The following MTUS2 variants were observed in gnomAD, a reference collection of about 807,000 sequenced individuals.
MTUS2 encodes microtubule associated scaffold protein 2, also known as microtubule-associated tumor suppressor candidate 2.
In MTUS2, 40 loss-of-function variants were observed where a neutral mutation model predicts 114.1. The observed-to-expected ratio is 0.35, with a 90% confidence interval of 0.27 to 0.46. The LOEUF is 0.46. MTUS2 is among the 20% of genes least tolerant of loss of function. The pLI is 1.00. For synonymous variants in MTUS2, 688 were observed against 672.0 expected (o/e 1.02, Z -0.37); for missense variants, 1,679 against 1,705.4 (o/e 0.98, Z 0.27).
intron 4 of MTUS2, among the ~76,000 whole-genome samples, chr13:29,051,594 A>G (rs1042075176): frequency 1.3e-5 from 2 of 152,220 alleles, no homozygotes; most frequent in Non-Finnish European, 2.9e-5. Context: ...CTCAGCAGCA[A>G]CAGCTAGTAT....
intron 2 of MTUS2, among the ~76,000 whole-genome samples, chr13:29,024,009 A>G (rs1019918865): frequency 2.6e-5 from 4 of 152,364 alleles, no homozygotes; most frequent in South Asian, 2.1e-4. Flanking sequence ...TTAAGCATCT[A>G]TGAATATCTT....
chr13:29,127,275 TTC>T (rs1156882678), intron 5 of MTUS2, among the ~76,000 whole-genome samples: 1 of 152,212 alleles, frequency 6.6e-6, no homozygotes, highest in African/African-American at 2.4e-5. Flanking sequence ...TTGGTCAGTT[TTC>T]TGTGTCAACA....
intron 4 of MTUS2, among the ~76,000 whole-genome samples, chr13:29,075,902 C>T (rs1889172207): frequency 6.6e-6 from 1 of 152,104 alleles, no homozygotes; most frequent in South Asian, 2.1e-4. Flanking sequence ...TTACATTTAG[C>T]AATTGGTTTA....
intron 5 of MTUS2, among the ~76,000 whole-genome samples, chr13:29,237,786 A>G (rs546069295): frequency 5.3e-5 from 8 of 152,330 alleles, no homozygotes; most frequent in South Asian, 2.1e-4. Context: ...AAGACATACA[A>G]ACGGCCAACA....
intron 8 of MTUS2, among the ~76,000 whole-genome samples, chr13:29,422,073 T>C (rs1466309984): frequency 6.6e-6 from 1 of 152,202 alleles, no homozygotes; most frequent in Non-Finnish European, 1.5e-5. Context: ...GGCAATTCCA[T>C]TTATATGTCT....
At chr13:29,438,485 G>A (rs532128067) in intron 8 of MTUS2, among the ~76,000 whole-genome samples, 5 of 152,272 alleles carry the variant, frequency 3.3e-5, no homozygotes, top group East Asian at 1.9e-4. Context: ...CCACTTTCCC[G>A]TAAACATTAG....
intron 8 of MTUS2, among the ~76,000 whole-genome samples, chr13:29,387,599 G>A (rs921278241): frequency 2.6e-5 from 4 of 152,154 alleles, no homozygotes; most frequent in Non-Finnish European, 4.4e-5. Flanking sequence ...AGGGAGACCC[G>A]CGAGGGGCTG....
At chr13:29,280,953 C>T (rs557167787) in intron 5 of MTUS2, among the ~76,000 whole-genome samples, 1 of 152,330 alleles carries the variant, frequency 6.6e-6, no homozygotes, top group Non-Finnish European at 1.5e-5. Context: ...TTGACACAAA[C>T]ACAATCCCAG....
chr13:29,119,933 A>G (rs78174963), intron 5 of MTUS2, among the ~76,000 whole-genome samples: 3,276 of 152,328 alleles, frequency 0.022, 130 homozygotes, highest in African/African-American at 0.074. Flanking sequence ...GAACCTTTAC[A>G]AATCAGTAAA....
chr13:28,872,131 C>T (rs1213875897), intron 2 of MTUS2, among the ~76,000 whole-genome samples: 2 of 152,120 alleles, frequency 1.3e-5, no homozygotes, highest in Non-Finnish European at 2.9e-5. Flanking sequence ...CTGTAAGGAG[C>T]CCAGCTGGGA....
chr13:28,881,203 A>G (rs1235462450), intron 2 of MTUS2, among the ~76,000 whole-genome samples: 1 of 152,134 alleles, frequency 6.6e-6, no homozygotes, highest in Non-Finnish European at 1.5e-5. Flanking sequence ...TTTAGTTCCC[A>G]CTTGTAAGTG....
intron 8 of MTUS2, among the ~76,000 whole-genome samples, chr13:29,376,553 A>G (rs1871761616): frequency 1.3e-5 from 2 of 151,946 alleles, no homozygotes; most frequent in South Asian, 2.1e-4. Context: ...CTGAGTTCAA[A>G]CATATCAATA....
intron 2 of MTUS2, among the ~76,000 whole-genome samples, chr13:28,858,626 AG>A (rs1431281046): frequency 1.3e-5 from 2 of 152,148 alleles, no homozygotes; most frequent in Non-Finnish European, 2.9e-5. Context: ...GCACTTAGAG[AG>A]GGGACATATA....
chr13:29,326,426 C>T (rs1900517889), intron 7 of MTUS2, among the ~76,000 whole-genome samples: 1 of 151,978 alleles, frequency 6.6e-6, no homozygotes, highest in Non-Finnish European at 1.5e-5. Context: ...TAATTTTAGA[C>T]TTAACCATGT....
At chr13:29,247,141 G>C (rs1896956185) in intron 5 of MTUS2, among the ~76,000 whole-genome samples, 1 of 152,130 alleles carries the variant, frequency 6.6e-6, no homozygotes, top group Admixed American at 6.5e-5. Flanking sequence ...CTTTGGCAAA[G>C]CAAACAAAAA....
chr13:29,190,872 A>G (rs1312391176), intron 5 of MTUS2, among the ~76,000 whole-genome samples: 4 of 152,154 alleles, frequency 2.6e-5, no homozygotes, highest in African/African-American at 4.8e-5. Context: ...CTACATTACC[A>G]TAGTAGTGAA....
intron 1 of MTUS2, among the ~76,000 whole-genome samples, chr13:28,825,642 T>C (rs1037314158): frequency 3.9e-5 from 6 of 151,928 alleles, no homozygotes; most frequent in East Asian, 3.9e-4. Flanking sequence ...GAAGAAACCA[T>C]TGGGGAGCAG....
intron 8 of MTUS2, among the ~76,000 whole-genome samples, chr13:29,379,562 A>G (rs1354514435): frequency 6.6e-6 from 1 of 152,212 alleles, no homozygotes; most frequent in African/African-American, 2.4e-5. Context: ...GTCCCTCCAG[A>G]TGAGCAAAAT....
At chr13:29,498,688 G>T in intron 14 of MTUS2, 151 bp downstream of exon 14, 1 of 1,087,608 alleles carries the variant, frequency 9.2e-7, no homozygotes, top group Non-Finnish European at 1.3e-6. Context: ...CCTTTCCCAG[G>T]AATCCAGGAG....
Sources: gnomAD v4.1 joint callset for allele counts (sites outside exome capture counted in the v4.1 genomes callset) on GRCh38, gnomAD v4.1.1 for gene constraint, MANE v1.5 for transcripts, NCBI Gene and HGNC (gene_info 2026-07-23, HGNC 2026-07-21) for gene names.